The following SEMA6D variants were observed in gnomAD, a reference collection of about 807,000 sequenced individuals.
The protein encoded by SEMA6D is semaphorin 6D, also known as semaphorin-6D.
In SEMA6D, 35 loss-of-function variants were observed where a neutral mutation model predicts 106.6. The ratio of observed to expected loss-of-function variants is 0.33; its 90% CI spans 0.25 to 0.44. The LOEUF (loss-of-function observed/expected upper bound fraction) is 0.44. SEMA6D is among the 20% of genes least tolerant of loss of function. The pLI is 1.00. For synonymous variants in SEMA6D, 499 were observed against 487.7 expected, an observed-to-expected ratio of 1.02 and a Z score of -0.31; for missense variants, 1,185 against 1,345.9, an observed-to-expected ratio of 0.88 and a Z score of 1.87.
intron 3 of SEMA6D, among the ~76,000 whole-genome samples, chr15:47,579,236 G>A (rs1431211665): frequency 6.6e-6 from 1 of 151,580 alleles, no homozygotes; most frequent in African/African-American, 2.4e-5. Flanking sequence ...CCACCTCCTG[G>A]GTTCAAACGA....
intron 3 of SEMA6D, among the ~76,000 whole-genome samples, chr15:47,547,273 A>T (rs993730134): frequency 6.6e-6 from 1 of 152,126 alleles, no homozygotes; most frequent in Non-Finnish European, 1.5e-5. Flanking sequence ...TTCATACCAC[A>T]TAAGCACCTG....
At chr15:47,247,902 G>T (rs2033294020) in intron 1 of SEMA6D, among the ~76,000 whole-genome samples, 1 of 152,130 alleles carries the variant, frequency 6.6e-6, no homozygotes, top group Non-Finnish European at 1.5e-5. Flanking sequence ...AGACTTGAGG[G>T]TCAAAAGGCA....
chr15:47,401,292 C>A (rs1159915617), intron 1 of SEMA6D, among the ~76,000 whole-genome samples: 3 of 152,146 alleles, frequency 2.0e-5, no homozygotes, highest in Non-Finnish European at 4.4e-5. Context: ...ATGGTCCCAA[C>A]TTTTATTTTT....
chr15:47,540,516 T>C (rs780547204), intron 3 of SEMA6D, among the ~76,000 whole-genome samples: 7 of 152,082 alleles, frequency 4.6e-5, no homozygotes, highest in Non-Finnish European at 8.8e-5. Context: ...TGAATGAATA[T>C]ATTGTAGTTC....
intron 1 of SEMA6D, among the ~76,000 whole-genome samples, chr15:47,403,456 G>A (rs989156175): frequency 6.6e-6 from 1 of 152,178 alleles, no homozygotes; most frequent in African/African-American, 2.4e-5. Context: ...TAAAAATTTA[G>A]TGAGCATCTA....
At chr15:47,278,881 C>G (rs2034965684) in intron 1 of SEMA6D, among the ~76,000 whole-genome samples, 1 of 146,846 alleles carries the variant, frequency 6.8e-6, no homozygotes. Context: ...ATCCTTTCCC[C>G]ATTGCTTGTT....
intron 1 of SEMA6D, among the ~76,000 whole-genome samples, chr15:47,383,108 C>T (rs1403346763): frequency 2.0e-5 from 3 of 152,140 alleles, no homozygotes; most frequent in African/African-American, 7.2e-5. Context: ...TCCCTTTGTG[C>T]CTGTCCTGAT....
chr15:47,507,839 G>A (rs1030267905), intron 3 of SEMA6D, among the ~76,000 whole-genome samples: 14 of 152,054 alleles, frequency 9.2e-5, no homozygotes, highest in Admixed American at 7.9e-4. Context: ...AAGCCATTTC[G>A]GGCCCCTGCA....
chr15:47,463,596 G>A (rs181837877), intron 2 of SEMA6D, among the ~76,000 whole-genome samples: 1 of 152,282 alleles, frequency 6.6e-6, no homozygotes, highest in East Asian at 1.9e-4. Flanking sequence ...AGTATGTCGG[G>A]GGAATCCCCG....
chr15:47,248,827 G>A (rs1280884223), intron 1 of SEMA6D, among the ~76,000 whole-genome samples: 1 of 152,132 alleles, frequency 6.6e-6, no homozygotes, highest in Admixed American at 6.5e-5. Flanking sequence ...GGAGCATTTT[G>A]GCTGGCTTTG....
chr15:47,751,162 C>G (rs1322979623), intron 1 of SEMA6D, among the ~76,000 whole-genome samples: 1 of 152,166 alleles, frequency 6.6e-6, no homozygotes, highest in Non-Finnish European at 1.5e-5. Flanking sequence ...TGGTGTCAGC[C>G]AAGCTGTCAT....
At chr15:47,275,567 T>A (rs959988255) in intron 1 of SEMA6D, among the ~76,000 whole-genome samples, 1 of 152,154 alleles carries the variant, frequency 6.6e-6, no homozygotes, top group Non-Finnish European at 1.5e-5. Context: ...CTATTGTAAT[T>A]GCTTTGGGGC....
chr15:47,327,505 A>G (rs2037177453), intron 1 of SEMA6D, among the ~76,000 whole-genome samples: 1 of 152,200 alleles, frequency 6.6e-6, no homozygotes. Flanking sequence ...CTATGTTCAA[A>G]TATTTTAAAG....
intron 1 of SEMA6D, among the ~76,000 whole-genome samples, chr15:47,254,185 A>G (rs1320697588): frequency 6.7e-6 from 1 of 150,172 alleles, no homozygotes; most frequent in Non-Finnish European, 1.5e-5. Flanking sequence ...GTGTGTGTTG[A>G]TTTTGTATTC....
chr15:47,327,171 C>G (rs774922948), intron 1 of SEMA6D, among the ~76,000 whole-genome samples: 4 of 152,118 alleles, frequency 2.6e-5, no homozygotes, highest in Non-Finnish European at 5.9e-5. Context: ...AGGTAGGTGA[C>G]CTTGGTTTAA....
chr15:47,282,050 C>G (rs1215884121), intron 1 of SEMA6D, among the ~76,000 whole-genome samples: 1 of 152,066 alleles, frequency 6.6e-6, no homozygotes, highest in Non-Finnish European at 1.5e-5. Context: ...AATAATTGTC[C>G]TTATTACTGT....
chr15:47,428,664 C>T (rs1772137576), intron 2 of SEMA6D, among the ~76,000 whole-genome samples: 4 of 151,932 alleles, frequency 2.6e-5, no homozygotes, highest in Non-Finnish European at 5.9e-5. Context: ...ATCTCAGCTA[C>T]TCAGGTGGCT....
chr15:47,420,331 G>A (rs573210128), intron 2 of SEMA6D, among the ~76,000 whole-genome samples: 1 of 152,108 alleles, frequency 6.6e-6, no homozygotes, highest in East Asian at 1.9e-4. Flanking sequence ...GCATTCTTTT[G>A]TGATCTTTGC....
intron 2 of SEMA6D, among the ~76,000 whole-genome samples, chr15:47,453,385 A>T (rs2140952301): frequency 6.6e-6 from 1 of 152,146 alleles, no homozygotes; most frequent in East Asian, 1.9e-4. Flanking sequence ...AACAATGCTA[A>T]ACCTCACATA....
Sources: gnomAD v4.1 joint callset for allele counts (sites outside exome capture counted in the v4.1 genomes callset) on GRCh38, gnomAD v4.1.1 for gene constraint, MANE v1.5 for transcripts, NCBI Gene and HGNC (gene_info 2026-07-23, HGNC 2026-07-21) for gene names.